Variants in SORCS2 observed in about 807,000 individuals in gnomAD.
SORCS2 encodes VPS10 domain-containing receptor SorCS2.
A neutral mutation model predicts 141.6 loss-of-function variants in SORCS2; 100 were observed. That is an observed-to-expected ratio of 0.71 (90% CI 0.60 to 0.83). The LOEUF is 0.83. Among genes scored for constraint, SORCS2 ranks in the 40% least tolerant of loss-of-function variants. SORCS2 has a pLI of 0.00. For missense variants in SORCS2, 1,646 were observed against 1,560.2 expected, an observed-to-expected ratio of 1.05 and a Z score of -0.93; for synonymous variants, 789 against 676.9, an observed-to-expected ratio of 1.17 and a Z score of -2.57.
At chr4:7,208,144 G>A (rs936547733) in intron 1 of SORCS2, among the ~76,000 whole-genome samples, 1 of 152,066 alleles carries the variant, frequency 6.6e-6, no homozygotes, top group East Asian at 1.9e-4. Flanking sequence ...CCACCGAGGC[G>A]GCCCCCAGCT....
At chr4:7,533,684 A>G (rs1711854795) in intron 3 of SORCS2, among the ~76,000 whole-genome samples, 1 of 152,224 alleles carries the variant, frequency 6.6e-6, no homozygotes, top group African/African-American at 2.4e-5. Context: ...GAACCAAGAG[A>G]GACTCTGAGG....
chr4:7,385,648 G>C (rs1223108687), intron 1 of SORCS2, among the ~76,000 whole-genome samples: 1 of 152,190 alleles, frequency 6.6e-6, no homozygotes, highest in East Asian at 1.9e-4. Flanking sequence ...GCTGGGCCTG[G>C]GTGAGGGTGA....
intron 3 of SORCS2, among the ~76,000 whole-genome samples, chr4:7,565,084 G>T (rs1714870747): frequency 6.6e-6 from 1 of 152,216 alleles, no homozygotes; most frequent in Admixed American, 6.5e-5. Context: ...CTCAGAGGGA[G>T]GGGGAGCAAG....
chr4:7,506,323 G>C (rs1200296985), intron 2 of SORCS2, among the ~76,000 whole-genome samples: 1 of 152,168 alleles, frequency 6.6e-6, no homozygotes, highest in Non-Finnish European at 1.5e-5. Flanking sequence ...TTGGCGTCCA[G>C]CTCCATTTGG....
At position 7,306,098 on chromosome 4, in the gene SORCS2, G is replaced by C. The variant is rs564210665; in HGVS notation, c.481-90190G>C. On this transcript the variant is annotated intron_variant, in intron 1 of 26. Transcript: ENST00000507866. ...GGGAGAGGCTAGTGGCAGGGTCCCGGTGCTCTGTTCCACCCTGTCCCCATC... is the reference window on the plus strand; with the variant it reads ...GGGAGAGGCTAGTGGCAGGGTCCCGCTGCTCTGTTCCACCCTGTCCCCATC... Among the ~76,000 whole-genome samples, 17 of 152,292 alleles carry C rather than the reference G, an allele frequency of 1.1e-4. No homozygotes were observed. In the South Asian group the frequency reaches 3.5e-3, roughly 32 times the overall value.
rs550597611 is a variant in SORCS2, at chr4:7,663,486, A to C, written c.953-867A>C. On this transcript the variant is annotated intron_variant, in intron 6 of 26. Coordinates refer to ENST00000507866, the MANE Select transcript of SORCS2 (RefSeq NM_020777.3). This position sits in a 1 kb window ranked among gnomAD's most constrained non-coding sequence, Gnocchi z 4.8. Reference sequence around the variant, plus strand: ...CGGGCACACCAGTCAGTTTCAAGGGAACATGGATGTGGCTCAGGAGGGCTT... The same window carrying C: ...CGGGCACACCAGTCAGTTTCAAGGGCACATGGATGTGGCTCAGGAGGGCTT... Among the ~76,000 whole-genome samples the C allele has an allele frequency of 6.6e-6, 1 of 152,192 alleles. No individual in the cohort carries two copies. The highest frequency in any genetic ancestry group is 1.5e-5 in the Non-Finnish European group (1 of 68,032).
intron 2 of SORCS2, among the ~76,000 whole-genome samples, chr4:7,501,736 GCT>G (rs1309768106): frequency 6.6e-6 from 1 of 152,256 alleles, no homozygotes; most frequent in East Asian, 1.9e-4. Context: ...TCCTTCTCCT[GCT>G]CTCTCTTTTT....
chr4:7,447,188 A>G (rs116315059), intron 2 of SORCS2, among the ~76,000 whole-genome samples: 3,274 of 152,318 alleles, frequency 0.021, 95 homozygotes, highest in African/African-American at 0.074. Flanking sequence ...AAGCAGTTGC[A>G]TCCTCCTTGT....
chr4:7,448,570 G>A (rs1314009908), intron 2 of SORCS2, among the ~76,000 whole-genome samples: 1 of 109,534 alleles, frequency 9.1e-6, no homozygotes, highest in African/African-American at 3.6e-5. Flanking sequence ...ACCCTCCCTT[G>A]CTTCCTTCCT....
At chr4:7,229,994 C>T (rs1267142867) in intron 1 of SORCS2, among the ~76,000 whole-genome samples, 1 of 108,042 alleles carries the variant, frequency 9.3e-6, no homozygotes, top group Non-Finnish European at 1.9e-5. Flanking sequence ...GTCTTCGAGT[C>T]TCTGGGCAGG....
intron 2 of SORCS2, among the ~76,000 whole-genome samples, chr4:7,469,903 T>C (rs1168512241): frequency 6.6e-6 from 1 of 152,168 alleles, no homozygotes; most frequent in Admixed American, 6.5e-5. Flanking sequence ...CAGTTTGTCA[T>C]CAGAGACAGG....
Position 7,201,298 on chromosome 4 carries a change from C to T in SORCS2, c.480+8172C>T, listed in dbSNP as rs1368610632. Among the ~76,000 whole-genome samples, 5 of 152,164 alleles carry T rather than the reference C, an allele frequency of 3.3e-5. No homozygotes were observed. The highest frequency in any genetic ancestry group is 2.1e-4 in the South Asian group (1 of 4,820). ...CGTGCGTTGATCAAGAAGCCTGGCTCGAAGTCATAGAGACAGCCCTGTTAA... is the reference window on the plus strand; with the variant it reads ...CGTGCGTTGATCAAGAAGCCTGGCTTGAAGTCATAGAGACAGCCCTGTTAA... On this transcript the variant is annotated intron_variant, in intron 1 of 26. Coordinates refer to ENST00000507866, the MANE Select transcript of SORCS2 (RefSeq NM_020777.3). This position sits in a 1 kb window ranked among gnomAD's most constrained non-coding sequence, Gnocchi z 4.4.
At chr4:7,569,920 G>A (rs1025253468) in intron 3 of SORCS2, among the ~76,000 whole-genome samples, 6 of 152,184 alleles carry the variant, frequency 3.9e-5, no homozygotes, top group African/African-American at 1.4e-4. Flanking sequence ...CACCCCTGTG[G>A]ATGTGGCTTT....
chr4:7,657,511 GTAAA>G (rs201592875), intron 5 of SORCS2, among the ~76,000 whole-genome samples: 2,667 of 152,166 alleles, frequency 0.018, 78 homozygotes, highest in African/African-American at 0.06. Context: ...AAATGAATGA[GTAAA>G]TAGCTGAGTG....
chr4:7,637,661 C>T (rs74506491), intron 3 of SORCS2, among the ~76,000 whole-genome samples: 3,618 of 152,030 alleles, frequency 0.024, 132 homozygotes, highest in African/African-American at 0.082. Flanking sequence ...GCAGCACCCC[C>T]TCCCTGGTGT....
At chr4:7,444,026 C>G (rs986629712) in intron 2 of SORCS2, among the ~76,000 whole-genome samples, 2 of 152,242 alleles carry the variant, frequency 1.3e-5, no homozygotes, top group African/African-American at 2.4e-5. Context: ...TGTCTTATCC[C>G]CACAGGTGAA....
intron 9 of SORCS2, among the ~76,000 whole-genome samples, chr4:7,677,565 C>A (rs1723244618): frequency 6.6e-6 from 1 of 151,538 alleles, no homozygotes; most frequent in African/African-American, 2.4e-5. Context: ...GGACACCCCC[C>A]AGTGGCCCAT....
intron 3 of SORCS2, among the ~76,000 whole-genome samples, chr4:7,553,613 C>T (rs186551995): frequency 1.3e-5 from 2 of 152,302 alleles, no homozygotes; most frequent in East Asian, 3.9e-4. Context: ...ATGAGTGAGG[C>T]TCCATGTGGG....
intron 1 of SORCS2, among the ~76,000 whole-genome samples, chr4:7,289,826 C>T (rs1342928430): frequency 3.9e-5 from 6 of 152,204 alleles, no homozygotes; most frequent in African/African-American, 1.2e-4. Flanking sequence ...GCTCGGCTTG[C>T]GGCCCTTCCT....
Sources: allele counts gnomAD v4.1 joint callset (sites outside exome capture counted in the v4.1 genomes callset), GRCh38; gene constraint gnomAD v4.1.1; non-coding constraint Gnocchi (gnomAD v3.1); transcripts MANE v1.5; gene names NCBI Gene and HGNC (gene_info 2026-07-23, HGNC 2026-07-21).